Variants in FBXL19 observed in about 807,000 individuals in gnomAD.
FBXL19 encodes the protein F-box and leucine rich repeat protein 19, also known as F-box/LRR-repeat protein 19.
FBXL19 carries 16 observed loss-of-function variants against 71.2 expected under a neutral mutation model. The observed-to-expected ratio is 0.22, with a 90% CI of 0.15 to 0.34. FBXL19 has a LOEUF of 0.34. FBXL19 is among the 10% of genes least tolerant of loss of function. The pLI, the probability that FBXL19 is intolerant of heterozygous loss-of-function variation, is 1.00. For missense variants in FBXL19, 658 were observed against 968.2 expected, an observed-to-expected ratio of 0.68 and a Z score of 4.25; for synonymous variants, 447 against 409.4, an observed-to-expected ratio of 1.09 and a Z score of -1.11.
intron 7 of FBXL19, among the ~76,000 whole-genome samples, chr16:30,936,747 T>C (rs2055741493): frequency 7.7e-6 from 1 of 129,346 alleles, no homozygotes; most frequent in African/African-American, 2.9e-5. Flanking sequence ...CGCCCGACCT[T>C]TTTTTTTTTT....
chr16:30,923,778 C>T lies in FBXL19; in HGVS notation c.-706C>T, dbSNP rs908512030. On this transcript the variant is annotated 5_prime_UTR_variant, in exon 1 of 11. Transcript: ENST00000338343. ...AAATTTTATTTAAATCCCTATCTCC[C>T]GAGGGTCGCGCGCTTGGGGGAGGGG... Among the ~76,000 whole-genome samples the T allele has an allele frequency of 2.8e-4, 38 of 134,338 alleles. No individual in the cohort carries two copies. Among genetic ancestry groups the T allele is most frequent in the Non-Finnish European group, 5.4e-4 (34 of 63,418 alleles). The allele number at this position is 134,338 out of a possible 152,430, so 88.1% of individuals were successfully genotyped here. A position where few individuals can be genotyped will look rare whatever the true frequency, so the allele number is the denominator to read the frequency against.
At chr16:30,933,137 A>G (rs552247383) in intron 7 of FBXL19, among the ~76,000 whole-genome samples, 9 of 152,026 alleles carry the variant, frequency 5.9e-5, no homozygotes, top group African/African-American at 1.7e-4. Context: ...AGTAGCTGGG[A>G]CTACAGGCAT....
At chr16:30,939,658 TCCACCCACCTCGG>T (rs1235933816) in intron 7 of FBXL19, among the ~76,000 whole-genome samples, 1 of 151,856 alleles carries the variant, frequency 6.6e-6, no homozygotes, top group Non-Finnish European at 1.5e-5. Context: ...GACCTAGTGA[TCCACCCACCTCGG>T]CCTCCCAAAG....
Position 30,947,248 on chromosome 16 carries a change from T to TC in FBXL19, c.*23dup. 2.4e-6 allele frequency: 3 copies of TC among 1,245,402 alleles called. No homozygotes were observed. Among genetic ancestry groups the TC allele is most frequent in the Non-Finnish European group, 2.1e-6 (2 of 942,898 alleles). The allele number at this position is 1,245,402 out of a possible 1,614,324, so 77.1% of individuals were successfully genotyped here. On this transcript the variant is annotated 3_prime_UTR_variant, in exon 11 of 11. Coordinates refer to ENST00000338343, the MANE Select transcript of FBXL19 (RefSeq NM_001382779.1). ...ACAGCTAGTTGGGCGCCCCCCACCCTCCCCCGGACTCGACAGGAGCCTGGA... is the reference window on the plus strand; with the variant it reads ...ACAGCTAGTTGGGCGCCCCCCACCCTCCCCCCGGACTCGACAGGAGCCTGGA...
intron 9 of FBXL19, among the ~76,000 whole-genome samples, chr16:30,944,618 C>T (rs2055839551): frequency 6.6e-6 from 1 of 152,062 alleles, no homozygotes; most frequent in South Asian, 2.1e-4. Flanking sequence ...GATTCCATGG[C>T]TTTTACTATT....
chr16:30,937,760 T>C (rs2055755120), intron 7 of FBXL19, among the ~76,000 whole-genome samples: 1 of 152,100 alleles, frequency 6.6e-6, no homozygotes, highest in Non-Finnish European at 1.5e-5. Flanking sequence ...TGGGCAGGTG[T>C]GTGGCCTGGC....
chr16:30,927,931 G>T lies in FBXL19; in HGVS notation c.595G>T (p.Ala199Ser). 1 of 1,540,818 alleles carries T rather than the reference G, an allele frequency of 6.5e-7. No homozygotes were observed. The highest frequency in any genetic ancestry group is 1.4e-5 in the African/African-American group (1 of 71,980). Residue 199 changes from alanine to serine, a missense_variant, in exon 5 of 11, where the codon GCA becomes TCA. Coordinates refer to ENST00000338343, the MANE Select transcript of FBXL19 (RefSeq NM_001382779.1). ...GCCCCCCAAACGAAAGGAAAGGGAGGCAGGGAATGAGCCTCCCACCCCAAG... is the reference window on the plus strand; with the variant it reads ...GCCCCCCAAACGAAAGGAAAGGGAGTCAGGGAATGAGCCTCCCACCCCAAG... ...PGPPKRKERE[A>S]GNEPPTPRKK... is the part of the protein sequence containing the mutation.
In FBXL19 at chr16:30,928,508, A is replaced by G; in HGVS notation, c.669A>G (p.Gly223=). The G allele has an allele frequency of 6.2e-7, 1 of 1,603,824 alleles. No homozygotes were observed. Among genetic ancestry groups the G allele is most frequent in the Non-Finnish European group, 8.5e-7 (1 of 1,174,858 alleles). The change falls in exon 6 of 11, where the codon GGA becomes GGG. Residue 223 remains glycine (G), a synonymous_variant. Coordinates refer to ENST00000338343, the MANE Select transcript of FBXL19 (RefSeq NM_001382779.1). ...AGAGGCACCTGAAGAAGGTGGGTGG[A>G]GACGCCTGCCTCCTCCGAGGATCGG... ...GRERHLKKVG[G]DACLLRGSDP... is the part of the protein sequence containing the mutation.
intron 7 of FBXL19, among the ~76,000 whole-genome samples, chr16:30,936,043 A>G (rs539398919): frequency 2.6e-5 from 4 of 152,234 alleles, no homozygotes; most frequent in Admixed American, 6.5e-5. Flanking sequence ...GACTGCACCA[A>G]CCACTTCCCT....
At chr16:30,924,935 G>C (rs1158034218) in intron 1 of FBXL19, among the ~76,000 whole-genome samples, 1 of 152,216 alleles carries the variant, frequency 6.6e-6, no homozygotes, top group African/African-American at 2.4e-5. Context: ...GTTCTGGGAA[G>C]ATGTCAGGCT....
chr16:30,923,526 G>A, upstream of FBXL19, among the ~76,000 whole-genome samples: 1 of 142,982 alleles, frequency 7.0e-6, no homozygotes, highest in Non-Finnish European at 1.5e-5. Flanking sequence ...AAGAGGGGGA[G>A]GAGGAGGAGG....
At position 30,926,587 on chromosome 16, in the gene FBXL19, C is replaced by T. The variant is rs1329480720; in HGVS notation, c.177+656C>T. 2.0e-5 allele frequency among the ~76,000 whole-genome samples: 3 copies of T among 152,064 alleles called. No homozygotes were observed. In the East Asian group the frequency reaches 5.8e-4, roughly 30 times the overall value. On this transcript the variant is annotated intron_variant, in intron 2 of 10. Coordinates refer to ENST00000338343, the MANE Select transcript of FBXL19 (RefSeq NM_001382779.1). ...AGGAGCCAGCTGCATCCTGCGTCCC[C>T]CTCCCCACTCTGCCACCTCCCTCTC...
chr16:30,927,544 C>A, intron 3 of FBXL19, 29 bp from the exon 4 acceptor site: 1 of 1,554,516 alleles, frequency 6.4e-7, no homozygotes. Flanking sequence ...TCCTGGCCAA[C>A]CCCCCACTCA....
chr16:30,936,032 C>T (rs1182980689), intron 7 of FBXL19, among the ~76,000 whole-genome samples: 4 of 152,162 alleles, frequency 2.6e-5, no homozygotes, highest in Non-Finnish European at 2.9e-5. Context: ...CTGGGCCTAC[C>T]GACTGCACCA....
chr16:30,927,022 G>C (rs1290014097), intron 2 of FBXL19, among the ~76,000 whole-genome samples: 2 of 152,212 alleles, frequency 1.3e-5, no homozygotes, highest in Non-Finnish European at 2.9e-5. Flanking sequence ...ACAGTCACAG[G>C]TGATAACAGC....
At position 30,946,907 on chromosome 16, in the gene FBXL19, C is replaced by G; in HGVS notation, c.1805C>G (p.Thr602Arg). Residue 602 changes from threonine (T) to arginine (R), a missense_variant, in exon 10 of 11, where the codon ACG becomes AGG. By Grantham distance (71) the Thr-to-Arg change is moderately conservative. Transcript: ENST00000338343. The surrounding 1 kb of genome is among the most constrained non-coding windows in gnomAD (Gnocchi z 6.7). ...DPSVHLLTAP[T>R]SPLRETLVHL... ...AGTGTTCACCTCCTCACGGCCCCCA[C>G]GTCCCCACTCCGCGAGACCCTGGTG... 1 of 1,610,816 alleles carries G rather than the reference C, an allele frequency of 6.2e-7. No homozygotes were observed. The highest frequency in any genetic ancestry group is 8.5e-7 in the Non-Finnish European group (1 of 1,179,242).
chr16:30,936,313 G>T (rs1265649132), intron 7 of FBXL19, among the ~76,000 whole-genome samples: 1 of 151,978 alleles, frequency 6.6e-6, no homozygotes, highest in East Asian at 1.9e-4. Flanking sequence ...CTCCACTCTT[G>T]CCTCTTCTCT....
At chr16:30,924,482 C>T (rs1052606813) in intron 1 of FBXL19, 23 bp downstream of exon 1, 2 of 511,466 alleles carry the variant, frequency 3.9e-6, no homozygotes, top group African/African-American at 4.0e-5. Flanking sequence ...GGCTCCTCCT[C>T]ACCCCCAGAC....
intron 9 of FBXL19, among the ~76,000 whole-genome samples, chr16:30,943,530 A>G (rs554045797): frequency 1.3e-5 from 2 of 151,542 alleles, no homozygotes; most frequent in African/African-American, 4.8e-5. Flanking sequence ...GCCCGCCACC[A>G]CGCCTGGCTA....
Sources: gnomAD v4.1 joint callset for allele counts (sites outside exome capture counted in the v4.1 genomes callset) on GRCh38, gnomAD v4.1.1 for gene constraint, Gnocchi (gnomAD v3.1) non-coding constraint, MANE v1.5 for transcripts, NCBI Gene and HGNC (gene_info 2026-07-23, HGNC 2026-07-21) for gene names.